Variants in PWWP3A observed in about 807,000 individuals in gnomAD.
PWWP3A encodes PWWP domain-containing DNA repair factor 3A.
Under a neutral mutation model 79.0 loss-of-function variants are expected in PWWP3A, and 53 were observed. The ratio of observed to expected loss-of-function variants is 0.67; its 90% confidence interval spans 0.54 to 0.84. The LOEUF is 0.84. PWWP3A is among the 40% of genes least tolerant of loss of function. The pLI, the probability that PWWP3A is intolerant of heterozygous loss-of-function variation, is 0.00. For missense variants in PWWP3A, 973 were observed against 948.0 expected (o/e 1.03, Z -0.35); for synonymous variants, 443 against 394.4 (o/e 1.12, Z -1.46).
In PWWP3A at chr19:1,360,296, G is replaced by C; in HGVS notation, c.375G>C (p.Glu125Asp). 6 of 1,613,946 alleles carry C rather than the reference G, an allele frequency of 3.7e-6. No homozygotes were observed. The highest frequency in any genetic ancestry group is 5.1e-6 in the Non-Finnish European group (6 of 1,179,876). ...GGTCTCTGCGAGGGAAGCCCATGGA[G>C]CATGTCTCCTCGCCCTGTGATTCGA... ...ADRSLRGKPM[E>D]HVSSPCDSNS... The change falls in exon 5 of 14, where the codon GAG becomes GAC. Residue 125 changes from glutamate to aspartate, a missense_variant. Transcript: ENST00000591337. The surrounding 1 kb of genome is among the most constrained non-coding windows in gnomAD (Gnocchi z 4.4).
rs757134513 is a variant in PWWP3A, at chr19:1,360,619, C to G, written c.698C>G (p.Ser233Cys). The G allele has an allele frequency of 1.2e-5, 20 of 1,613,958 alleles. No individual in the cohort carries two copies. The South Asian group carries it at 2.1e-4, about 17-fold the overall frequency. The change falls in exon 5 of 14, where the codon TCC becomes TGC. Residue 233 changes from serine to cysteine, a missense_variant. Transcript: ENST00000591337. This position sits in a 1 kb window ranked among gnomAD's most constrained non-coding sequence, Gnocchi z 4.4. ...GCTAGCTTGTGCCTGAATGGATCTT[C>G]CCTTTCAGAGGACGACACGGAGAGA... is the stretch of plus-strand genomic sequence containing the variant. ...QKASLCLNGS[S>C]LSEDDTERDM...
chr19:1,377,116 G>A lies in PWWP3A; in HGVS notation c.*540G>A, dbSNP rs2082418640. On this transcript the variant is annotated 3_prime_UTR_variant, in exon 14 of 14. Coordinates refer to ENST00000591337, the MANE Select transcript of PWWP3A (RefSeq NM_001369789.1). Reference sequence around the variant, plus strand: ...GAGGAAACAGCCTTCGTTAGAGGCGGGAGCAGAGACGAGCCGCTGCTCTGT... The same window carrying A: ...GAGGAAACAGCCTTCGTTAGAGGCGAGAGCAGAGACGAGCCGCTGCTCTGT... The A allele has an allele frequency of 1.3e-5, 2 of 152,866 alleles. No homozygotes were observed. The highest frequency in any genetic ancestry group is 2.9e-5 in the Non-Finnish European group (2 of 68,604). The allele number at this position is 152,866 out of a possible 1,614,324, so 9.5% of individuals were successfully genotyped here.
In PWWP3A at chr19:1,369,354, T is replaced by TG. The variant is rs767581397; in HGVS notation, c.1498+18dup. The TG allele has an allele frequency of 9.3e-5, 150 of 1,611,194 alleles. No individual in the cohort carries two copies. The African/African-American group carries it at 1.6e-3, about 17-fold the overall frequency. On this transcript the variant is annotated intron_variant, in intron 10 of 13. Coordinates refer to ENST00000591337, the MANE Select transcript of PWWP3A (RefSeq NM_001369789.1). This position sits in a 1 kb window ranked among gnomAD's most constrained non-coding sequence, Gnocchi z 4.0. ...GGGTCCGGTTAGGTACGTGGGGTGC[T>TG]GGGGAGGGGTGGAGCTGGGCAGCAG...
Position 1,369,173 on chromosome 19 carries a change from A to G in PWWP3A, c.1423-92A>G. On this transcript the variant is annotated intron_variant, in intron 9 of 13. Transcript: ENST00000591337. The surrounding 1 kb of genome is among the most constrained non-coding windows in gnomAD (Gnocchi z 4.0). ...GGGCTGGAGCGTGAGCAGCCTGGAC[A>G]CCTGGCTGGTCCCTGGGCTCTGCGT... 8.4e-7 allele frequency: 1 copy of G among 1,184,466 alleles called. No individual in the cohort carries two copies. 73.4% of individuals were successfully genotyped at this position (1,184,466 alleles called of 1,614,324 possible). A position where few individuals can be genotyped will look rare whatever the true frequency, so the allele number is the denominator to read the frequency against.
chr19:1,375,886 A>ACCCCTGCAAC (rs1272377708), intron 13 of PWWP3A, among the ~76,000 whole-genome samples: 2 of 143,418 alleles, frequency 1.4e-5, no homozygotes, highest in African/African-American at 2.6e-5. Flanking sequence ...GCCCACTGCA[A>ACCCCTGCAAC]CCCCCCCACC....
In PWWP3A at chr19:1,373,148, C is replaced by A; in HGVS notation, c.2063C>A (p.Ser688Ter). The change falls in exon 13 of 14, where the codon TCG becomes TAG. Residue 688 changes from serine to a stop codon, truncating the protein, a stop_gained. Transcript: ENST00000591337. LOFTEE classifies it high-confidence loss of function. ...TAEEKYIKGP[S>*]LSYREKEIFD... ...GAGGAGAAGTACATCAAGGGGCCTT[C>A]GCTGAGCTACCGGTAGGCCGCTCCC... 6.2e-7 allele frequency: 1 copy of A among 1,614,160 alleles called. No individual in the cohort carries two copies. Among genetic ancestry groups the A allele is most frequent in the Non-Finnish European group, 8.5e-7 (1 of 1,180,012 alleles).
chr19:1,354,995 C>G lies in PWWP3A; in HGVS notation c.-210C>G, dbSNP rs2081804769. The G allele has an allele frequency of 6.7e-6, 1 of 149,306 alleles. No individual in the cohort carries two copies. Among genetic ancestry groups the G allele is most frequent in the Non-Finnish European group, 1.5e-5 (1 of 67,612 alleles). 9.2% of individuals were successfully genotyped at this position (149,306 alleles called of 1,614,324 possible). A position where few individuals can be genotyped will look rare whatever the true frequency, so the allele number is the denominator to read the frequency against. On this transcript the variant is annotated 5_prime_UTR_variant, in exon 1 of 14. Transcript: ENST00000591337. ...CCGGCCCCGCGGGGAGCGGCGGCGGCGGCGGCGGCGGCGGTGGCGGAGGCG... is the reference window on the plus strand; with the variant it reads ...CCGGCCCCGCGGGGAGCGGCGGCGGGGGCGGCGGCGGCGGTGGCGGAGGCG...
In PWWP3A at chr19:1,369,742, G is replaced by T. The variant is rs2082211040; in HGVS notation, c.1549+96G>T. ...CTGAAGCTGTGGAAGGGGACGTTGG[G>T]GTCAAGGCACTGTCCGCAGCCACAC... is the stretch of plus-strand genomic sequence containing the variant. On this transcript the variant is annotated intron_variant, in intron 11 of 13. Transcript: ENST00000591337. This position sits in a 1 kb window ranked among gnomAD's most constrained non-coding sequence, Gnocchi z 4.0. 1.5e-6 allele frequency: 2 copies of T among 1,367,606 alleles called. No individual in the cohort carries two copies. Among genetic ancestry groups the T allele is most frequent in the Non-Finnish European group, 2.1e-6 (2 of 955,910 alleles). 84.7% of individuals were successfully genotyped at this position (1,367,606 alleles called of 1,614,324 possible). A position where few individuals can be genotyped will look rare whatever the true frequency, so the allele number is the denominator to read the frequency against.
At chr19:1,359,946 A>C (rs2081971837) in intron 4 of PWWP3A, 190 bp from the exon 5 acceptor site, 3 of 537,562 alleles carry the variant, frequency 5.6e-6, no homozygotes, top group Non-Finnish European at 9.0e-6. Flanking sequence ...TCCCGGAATG[A>C]ATAGCTGTCG....
chr19:1,371,384 T>C, intron 12 of PWWP3A: 1 of 703,084 alleles, frequency 1.4e-6, no homozygotes, highest in Non-Finnish European at 2.6e-6. Flanking sequence ...CTTCCCAGCC[T>C]CGGTGGGTCA....
At chr19:1,365,012 C>T (rs983795351) in intron 7 of PWWP3A, among the ~76,000 whole-genome samples, 2 of 152,030 alleles carry the variant, frequency 1.3e-5, no homozygotes, top group Admixed American at 6.6e-5. Context: ...CCCAGCTACT[C>T]GGGAGGCTGA....
At chr19:1,370,433 A>T (rs755042052) in intron 11 of PWWP3A, among the ~76,000 whole-genome samples, 9 of 152,172 alleles carry the variant, frequency 5.9e-5, no homozygotes, top group Non-Finnish European at 2.9e-5. Flanking sequence ...ACCTGGCTGC[A>T]GGGCCCAGTG....
At chr19:1,362,973 C>G (rs2082052468) in intron 6 of PWWP3A, among the ~76,000 whole-genome samples, 1 of 152,272 alleles carries the variant, frequency 6.6e-6, no homozygotes, top group African/African-American at 2.4e-5. Context: ...CGCCCGTGAA[C>G]CATTCCTCTT....
chr19:1,356,303 A>G (rs757186971), intron 1 of PWWP3A, 21 bp from the exon 2 acceptor site: 2 of 1,291,658 alleles, frequency 1.5e-6, no homozygotes, highest in South Asian at 1.2e-5. Context: ...TGTATAAACC[A>G]CCGTGCAAAT....
At chr19:1,365,608 T>C (rs763920394) in intron 7 of PWWP3A, among the ~76,000 whole-genome samples, 1 of 152,256 alleles carries the variant, frequency 6.6e-6, no homozygotes, top group Admixed American at 6.5e-5. Flanking sequence ...TTGTGTCGCC[T>C]ACTGGCCGGC....
Position 1,372,618 on chromosome 19 carries a change from G to A in PWWP3A, c.1987-454G>A, listed in dbSNP as rs377007233. Reference sequence around the variant, plus strand: ...CTAAAAATACAAAAATTAGCTGGGCGTGGTGGCGCGTACCTATAATCCCAG... The same window carrying A: ...CTAAAAATACAAAAATTAGCTGGGCATGGTGGCGCGTACCTATAATCCCAG... On this transcript the variant is annotated intron_variant, in intron 12 of 13. Coordinates refer to ENST00000591337, the MANE Select transcript of PWWP3A (RefSeq NM_001369789.1). 6.5e-4 allele frequency: 100 copies of A among 152,704 alleles called. No individual in the cohort carries two copies. In the South Asian group the frequency reaches 0.013, roughly 20 times the overall value. 9.5% of individuals were successfully genotyped at this position (152,704 alleles called of 1,614,324 possible). A position where few individuals can be genotyped will look rare whatever the true frequency, so the allele number is the denominator to read the frequency against.
chr19:1,360,446 C>A lies in PWWP3A; in HGVS notation c.525C>A (p.Asp175Glu), dbSNP rs2081985549. The A allele has an allele frequency of 6.2e-7, 1 of 1,614,132 alleles. No individual in the cohort carries two copies. The highest frequency in any genetic ancestry group is 1.7e-5 in the Admixed American group (1 of 60,026). ...TCEKDPECKV[D>E]HKKGLRKSEN... ...AAAAGGACCCCGAGTGCAAAGTGGA[C>A]CACAAGAAGGGGCTCAGGAAAAGTG... The change falls in exon 5 of 14, where the codon GAC becomes GAA. Residue 175 changes from aspartate to glutamate, a missense_variant. Physicochemically the swap from Asp to Glu is conservative, Grantham distance 45 (BLOSUM62 2). Coordinates refer to ENST00000591337, the MANE Select transcript of PWWP3A (RefSeq NM_001369789.1). The surrounding 1 kb of genome is among the most constrained non-coding windows in gnomAD (Gnocchi z 4.4).
At position 1,369,132 on chromosome 19, in the gene PWWP3A, G is replaced by A. The variant is rs543244846; in HGVS notation, c.1423-133G>A. 2.7e-6 allele frequency: 2 copies of A among 729,874 alleles called. No homozygotes were observed. Among genetic ancestry groups the A allele is most frequent in the East Asian group, 5.4e-5 (2 of 36,750 alleles). 45.2% of individuals were successfully genotyped at this position (729,874 alleles called of 1,614,324 possible). A position where few individuals can be genotyped will look rare whatever the true frequency, so the allele number is the denominator to read the frequency against. ...CGTCTGCCAGAGCCCCCTTTGTCAG[G>A]GAGGGTCAGAGGTGCGGGCTGGAGC... On this transcript the variant is annotated intron_variant, in intron 9 of 13. Coordinates refer to ENST00000591337, the MANE Select transcript of PWWP3A (RefSeq NM_001369789.1). The surrounding 1 kb of genome is among the most constrained non-coding windows in gnomAD (Gnocchi z 4.0).
At position 1,360,421 on chromosome 19, in the gene PWWP3A, A is replaced by G. The variant is rs985244267; in HGVS notation, c.500A>G (p.Glu167Gly). The change falls in exon 5 of 14, where the codon GAA becomes GGA. Residue 167 changes from glutamate to glycine, a missense_variant. Transcript: ENST00000591337. The surrounding 1 kb of genome is among the most constrained non-coding windows in gnomAD (Gnocchi z 4.4). ...AGCCTGTCAAGTTCGTTCACTTGTG[A>G]AAAGGACCCCGAGTGCAAAGTGGAC... ...QQSLSSSFTC[E>G]KDPECKVDHK... 1 of 1,614,034 alleles carries G rather than the reference A, an allele frequency of 6.2e-7. No individual in the cohort carries two copies. Among genetic ancestry groups the G allele is most frequent in the Non-Finnish European group, 8.5e-7 (1 of 1,180,042 alleles).
Sources: allele counts gnomAD v4.1 joint callset (sites outside exome capture counted in the v4.1 genomes callset), GRCh38; gene constraint gnomAD v4.1.1; non-coding constraint Gnocchi (gnomAD v3.1); transcripts MANE v1.5; gene names NCBI Gene and HGNC (gene_info 2026-07-23, HGNC 2026-07-21).